Variants in UBASH3B observed in about 807,000 individuals in gnomAD.
The protein encoded by UBASH3B is ubiquitin-associated and SH3 domain-containing protein B.
In UBASH3B, 37 loss-of-function variants were observed where a neutral mutation model predicts 83.4. The ratio of observed to expected loss-of-function variants is 0.44; its 90% CI spans 0.34 to 0.58. The LOEUF (loss-of-function observed/expected upper bound fraction) is 0.58. Ranked by LOEUF, UBASH3B falls within the 20% of genes least tolerant of loss-of-function variation. The pLI, the probability that UBASH3B is intolerant of heterozygous loss-of-function variation, is 0.01. For missense variants in UBASH3B, 657 were observed against 827.2 expected (o/e 0.79, Z 2.52); for synonymous variants, 304 against 318.3 (o/e 0.96, Z 0.48).
chr11:122,656,043 C>T lies in UBASH3B; in HGVS notation c.-7C>T. ...CTCCTTCCCTGGCGATGGCTGGCCG[C>T]TGAGCCATGGCTCAGTACGGCCACC... On this transcript the variant is annotated 5_prime_UTR_variant, in exon 1 of 14. Transcript: ENST00000284273. 6.3e-7 allele frequency: 1 copy of T among 1,582,308 alleles called. No individual in the cohort carries two copies. Among genetic ancestry groups the T allele is most frequent in the Non-Finnish European group, 8.6e-7 (1 of 1,165,994 alleles).
chr11:122,660,228 G>A (rs1312138303), intron 1 of UBASH3B, among the ~76,000 whole-genome samples: 1 of 152,116 alleles, frequency 6.6e-6, no homozygotes, highest in East Asian at 1.9e-4. Flanking sequence ...TGCTATAGGA[G>A]AATTTGCCTC....
At chr11:122,722,614 T>G (rs11604493) in intron 1 of UBASH3B, among the ~76,000 whole-genome samples, 2,374 of 152,306 alleles carry the variant, frequency 0.016, 73 homozygotes, top group African/African-American at 0.054. Flanking sequence ...TTTCTGAATA[T>G]CCATAGTGAA....
At chr11:122,745,538 T>C (rs1861104898) in intron 1 of UBASH3B, among the ~76,000 whole-genome samples, 1 of 152,222 alleles carries the variant, frequency 6.6e-6, no homozygotes, top group Admixed American at 6.5e-5. Context: ...TTCCATAGCT[T>C]TGTAGAAGAG....
intron 9 of UBASH3B, 60 bp from the exon 10 acceptor site, chr11:122,798,882 C>A (rs1047268821): frequency 7.7e-6 from 11 of 1,431,106 alleles, no homozygotes; most frequent in Middle Eastern, 3.5e-4. Flanking sequence ...TCTCACACTG[C>A]GGGTCAAGGT....
intron 8 of UBASH3B, 128 bp downstream of exon 8, chr11:122,796,404 G>A: frequency 1.4e-6 from 2 of 1,390,580 alleles, no homozygotes; most frequent in Non-Finnish European, 9.7e-7. Flanking sequence ...TCTGTCATGT[G>A]TAAGCCCCTC....
At chr11:122,712,905 T>TG (rs1165377497) in intron 1 of UBASH3B, among the ~76,000 whole-genome samples, 2 of 92,998 alleles carry the variant, frequency 2.2e-5, no homozygotes, top group African/African-American at 8.4e-5. Flanking sequence ...GGTTTTTTTT[T>TG]TTTTTTTTTT....
chr11:122,790,088 T>C (rs927449089), intron 6 of UBASH3B, among the ~76,000 whole-genome samples: 4 of 152,200 alleles, frequency 2.6e-5, no homozygotes, highest in Non-Finnish European at 5.9e-5. Flanking sequence ...GCTGGTTTGT[T>C]TTTCTCCCAC....
At chr11:122,765,897 G>A (rs1341859963) in intron 1 of UBASH3B, among the ~76,000 whole-genome samples, 1 of 152,182 alleles carries the variant, frequency 6.6e-6, no homozygotes, top group East Asian at 1.9e-4. Context: ...GCCATTGCCT[G>A]TGGCCACTCT....
intron 1 of UBASH3B, among the ~76,000 whole-genome samples, chr11:122,745,313 C>T (rs957253141): frequency 5.9e-5 from 9 of 152,222 alleles, no homozygotes; most frequent in Non-Finnish European, 8.8e-5. Context: ...ATTCCCAGTA[C>T]TTAGCACAGT....
intron 1 of UBASH3B, among the ~76,000 whole-genome samples, chr11:122,696,405 G>T (rs1863966370): frequency 6.6e-6 from 1 of 150,628 alleles, no homozygotes; most frequent in African/African-American, 2.4e-5. Context: ...CTGCCTCCCG[G>T]GTTCAAGCGA....
intron 1 of UBASH3B, among the ~76,000 whole-genome samples, chr11:122,762,087 T>G (rs115490525): frequency 1.3e-5 from 2 of 152,074 alleles, no homozygotes; most frequent in African/African-American, 4.8e-5. Flanking sequence ...CCACCGCGCC[T>G]GGCCGGTTTT....
At chr11:122,658,327 T>G (rs555155866) in intron 1 of UBASH3B, among the ~76,000 whole-genome samples, 3 of 152,308 alleles carry the variant, frequency 2.0e-5, no homozygotes, top group African/African-American at 7.2e-5. Context: ...AATACTTAAC[T>G]GAACTCCTCA....
chr11:122,809,784 A>T lies in UBASH3B; in HGVS notation c.1848A>T (p.Leu616Phe). 1 of 1,614,208 alleles carries T rather than the reference A, an allele frequency of 6.2e-7. No homozygotes were observed. The highest frequency in any genetic ancestry group is 8.5e-7 in the Non-Finnish European group (1 of 1,180,028). The part of the protein sequence containing the change: ...PYLGFCSCEE[L>F]GETGIWQLTD... ...TGGGATTTTGTTCCTGTGAAGAATT[A>T]GGAGAAACTGGAATATGGCAGCTGA... The change falls in exon 14 of 14, where the codon TTA (leucine) becomes TTT (phenylalanine). Residue 616 changes from leucine to phenylalanine, a missense_variant. Leu to Phe is a conservative substitution (Grantham distance 22). Around this residue, in one of 3 missense-constraint regions of UBASH3B, gnomAD observed 573 missense variants for 739.0 expected, o/e 0.78. Coordinates refer to ENST00000284273, the MANE Select transcript of UBASH3B (RefSeq NM_032873.5).
chr11:122,707,104 G>A (rs1215777258), intron 1 of UBASH3B, among the ~76,000 whole-genome samples: 1 of 152,144 alleles, frequency 6.6e-6, no homozygotes, highest in East Asian at 1.9e-4. Context: ...GATTTCAGAT[G>A]CAGATTTTTG....
intron 1 of UBASH3B, among the ~76,000 whole-genome samples, chr11:122,704,644 G>A (rs1264451876): frequency 6.6e-6 from 1 of 151,876 alleles, no homozygotes; most frequent in African/African-American, 2.4e-5. Flanking sequence ...CGAGTAGCTG[G>A]GACTACAGGC....
intron 1 of UBASH3B, among the ~76,000 whole-genome samples, chr11:122,673,685 C>G (rs1163003353): frequency 6.6e-6 from 1 of 152,120 alleles, no homozygotes; most frequent in East Asian, 1.9e-4. Flanking sequence ...AGGCCTGGCG[C>G]TCTTTCTATT....
At chr11:122,762,076 G>A (rs1591802535) in intron 1 of UBASH3B, among the ~76,000 whole-genome samples, 1 of 151,976 alleles carries the variant, frequency 6.6e-6, no homozygotes, top group African/African-American at 2.4e-5. Context: ...ACAGGCGTGA[G>A]CCACCGCGCC....
At chr11:122,714,056 T>C (rs1864234472) in intron 1 of UBASH3B, among the ~76,000 whole-genome samples, 1 of 152,194 alleles carries the variant, frequency 6.6e-6, no homozygotes. Flanking sequence ...ACCCCTCCAC[T>C]CTTGGTCACC....
intron 3 of UBASH3B, among the ~76,000 whole-genome samples, chr11:122,779,002 T>C (rs903859474): frequency 6.6e-6 from 1 of 152,226 alleles, no homozygotes; most frequent in African/African-American, 2.4e-5. Flanking sequence ...ATCAAGCTAA[T>C]TGTACATGCA....
Sources: gnomAD v4.1 joint callset for allele counts (sites outside exome capture counted in the v4.1 genomes callset) on GRCh38, gnomAD v4.1.1 for gene constraint, gnomAD v4.1.1 regional missense constraint, MANE v1.5 for transcripts, NCBI Gene and HGNC (gene_info 2026-07-23, HGNC 2026-07-21) for gene names.